The following NME4 variants were observed in gnomAD, a reference collection of about 807,000 sequenced individuals.
The protein encoded by NME4 is nucleoside diphosphate kinase D, mitochondrial.
Under a neutral mutation model 16.4 loss-of-function variants are expected in NME4, and 21 were observed. That is an observed-to-expected ratio of 1.28 (90% CI 0.91 to 1.84). The LOEUF (loss-of-function observed/expected upper bound fraction) is 1.84, where lower values mean the gene tolerates loss of function less well. NME4 is among the 40% of genes most tolerant of loss of function. The probability of loss-of-function intolerance (pLI) is 0.00; values close to 1 mark genes in which losing one functional copy is unlikely to be tolerated. For missense variants in NME4, 316 were observed against 261.3 expected (o/e 1.21, Z -1.44); for synonymous variants, 132 against 107.5 (o/e 1.23, Z -1.41).
chr16:400,102 T>A (rs1328756510), intron 4 of NME4, 117 bp from the exon 5 acceptor site: 1 of 1,436,686 alleles, frequency 7.0e-7, no homozygotes, highest in Non-Finnish European at 9.8e-7. Context: ...TCCTTCCCTG[T>A]CTGCAGTCAC....
chr16:400,661 A>G lies in NME4; in HGVS notation c.*319A>G, dbSNP rs2054643485. On this transcript the variant is annotated 3_prime_UTR_variant, in exon 5 of 5. Coordinates refer to ENST00000219479, the MANE Select transcript of NME4 (RefSeq NM_005009.3). Reference sequence around the variant, plus strand: ...ACTGTGCCCAGCACATGGGTGGTACACTAATTATGACTTCCCCCAGCTCTG... The same window carrying G: ...ACTGTGCCCAGCACATGGGTGGTACGCTAATTATGACTTCCCCCAGCTCTG... The G allele has an allele frequency of 6.6e-6, 2 of 300,910 alleles. No individual in the cohort carries two copies. The highest frequency in any genetic ancestry group is 9.9e-5 in the Admixed American group (2 of 20,292). The allele number at this position is 300,910 out of a possible 1,614,324, so 18.6% of individuals were successfully genotyped here.
At chr16:397,868 C>A in intron 1 of NME4, 3 of 1,554,454 alleles carry the variant, frequency 1.9e-6, no homozygotes, top group Non-Finnish European at 2.6e-6. Context: ...ACAGGACGAT[C>A]CATGTCCCAG....
rs1245232557 is a variant in NME4, at chr16:400,360, C to T, written c.*18C>T. 6.3e-7 allele frequency: 1 copy of T among 1,593,360 alleles called. No individual in the cohort carries two copies. The highest frequency in any genetic ancestry group is 1.3e-5 in the African/African-American group (1 of 74,090). ...CAGCCTGAGGCTCAAGCTGCCCTTA[C>T]CACCCCATCCCCCACGCAGGACCAA... On this transcript the variant is annotated 3_prime_UTR_variant, in exon 5 of 5. Transcript: ENST00000219479.
intron 1 of NME4, chr16:398,384 T>A: frequency 1.6e-6 from 2 of 1,251,170 alleles, no homozygotes; most frequent in Non-Finnish European, 2.1e-6. Context: ...AGGGCTCACC[T>A]GGTGGGGAAA....
rs144672399 is a variant in NME4, at chr16:397,910, G to A, written c.91+597G>A. ...CTCCATCGGCTCTGAAAAGTGAGCC[G>A]CCGCCTGCAATGCCCGCACCAGCCG... On this transcript the variant is annotated intron_variant, in intron 1 of 4. Coordinates refer to ENST00000219479, the MANE Select transcript of NME4 (RefSeq NM_005009.3). The A allele has an allele frequency of 4.1e-3, 6,318 of 1,551,256 alleles. 185 individuals are homozygous for A. The East Asian group carries it at 0.091, about 22-fold the overall frequency.
chr16:400,123 C>T (rs1406680273), intron 4 of NME4, 96 bp from the exon 5 acceptor site: 3 of 1,545,780 alleles, frequency 1.9e-6, no homozygotes, highest in Non-Finnish European at 2.7e-6. Context: ...AGGCTTGCTC[C>T]CCTAGACAGA....
intron 1 of NME4, chr16:398,103 G>T (rs1163390027): frequency 2.0e-6 from 3 of 1,534,396 alleles, no homozygotes; most frequent in Non-Finnish European, 2.6e-6. Flanking sequence ...GACATACAGG[G>T]TCTGGGCTCC....
At position 399,026 on chromosome 16, in the gene NME4, C is replaced by T. The variant is rs765320373; in HGVS notation, c.128C>T (p.Ala43Val). The T allele has an allele frequency of 2.8e-5, 45 of 1,609,382 alleles. No individual in the cohort carries two copies. The highest frequency in any genetic ancestry group is 2.2e-5 in the South Asian group (2 of 91,064). ...PSWTRERTLV[A>V]VKPDGVQRRL... ...TGGACCCGGGAGCGGACCCTGGTGG[C>T]GGTGAAGCCCGATGGCGTGCAACGG... The change falls in exon 2 of 5, where the codon GCG (alanine) becomes GTG (valine). Residue 43 changes from alanine (A) to valine (V), a missense_variant. Ala to Val is a moderately conservative substitution (Grantham distance 64). Transcript: ENST00000219479.
chr16:400,407 C>T lies in NME4; in HGVS notation c.*65C>T. On this transcript the variant is annotated 3_prime_UTR_variant, in exon 5 of 5. Transcript: ENST00000219479. ...CCAACTACCTCCGTCAGCAAGAACC[C>T]AAGCCCACATCCAAACCTGCCTGTC... The T allele has an allele frequency of 6.4e-7, 1 of 1,557,780 alleles. No individual in the cohort carries two copies.
chr16:399,250 C>A, intron 2 of NME4, 127 bp downstream of exon 2: 2 of 1,441,774 alleles, frequency 1.4e-6, no homozygotes, highest in Non-Finnish European at 2.0e-6. Context: ...CAGGAGGGAT[C>A]TATTCTGCGG....
intron 3 of NME4, 67 bp from the exon 4 acceptor site, chr16:399,560 G>A (rs539708643): frequency 2.5e-6 from 4 of 1,585,402 alleles, no homozygotes; most frequent in Non-Finnish European, 3.5e-6. Flanking sequence ...AAAGGGAGGG[G>A]CCCTGGATTG....
intron 2 of NME4, 49 bp downstream of exon 2, chr16:399,172 G>A: frequency 6.2e-7 from 1 of 1,601,938 alleles, no homozygotes; most frequent in Non-Finnish European, 8.5e-7. Flanking sequence ...TGGGGTTGGG[G>A]GATCCTTCTC....
chr16:397,192 C>G (rs542872229), upstream of NME4: 23 of 965,428 alleles, frequency 2.4e-5, no homozygotes, highest in Non-Finnish European at 2.7e-5. Context: ...GCCCGCTCCT[C>G]GCGCTCACAG....
intron 1 of NME4, 86 bp from the exon 2 acceptor site, chr16:398,904 G>T: frequency 6.4e-7 from 1 of 1,564,610 alleles, no homozygotes; most frequent in South Asian, 1.2e-5. Context: ...GAAGCCTGGT[G>T]ACCCCTGGGC....
chr16:399,115 A>C lies in NME4; in HGVS notation c.217A>C (p.Met73Leu). Residue 73 changes from methionine (M) to leucine (L), a missense_variant, in exon 2 of 5, where the codon ATG becomes CTG. Met to Leu is a conservative substitution (Grantham distance 15). Transcript: ENST00000219479. ...RRGFTLVGMK[M>L]LQAPESVLAE... ...GGGCTTCACGCTGGTGGGGATGAAG[A>C]TGCTGCAGGTAGTGGGACTCTGGGC... The C allele has an allele frequency of 6.3e-7, 1 of 1,594,948 alleles. No homozygotes were observed. Among genetic ancestry groups the C allele is most frequent in the African/African-American group, 1.3e-5 (1 of 74,894 alleles).
intron 2 of NME4, 82 bp from the exon 3 acceptor site, chr16:399,297 G>A (rs772113318): frequency 2.7e-6 from 4 of 1,455,978 alleles, no homozygotes; most frequent in Non-Finnish European, 3.9e-6. Context: ...TCTGCAAGGT[G>A]CCTGAGGTCA....
chr16:399,960 G>C, intron 4 of NME4: 1 of 650,332 alleles, frequency 1.5e-6, no homozygotes, highest in Non-Finnish European at 2.7e-6. Flanking sequence ...CCTGTTACCT[G>C]ACACCCCAAG....
intron 1 of NME4, chr16:397,838 G>T: frequency 1.3e-6 from 2 of 1,541,678 alleles, no homozygotes; most frequent in Admixed American, 3.9e-5. Flanking sequence ...CCGCTGCCCG[G>T]CCCCCCCAGC....
In NME4 at chr16:397,254, G is replaced by A. The variant is rs950768431; in HGVS notation, c.32G>A (p.Arg11Gln). MGGLFWRSALRGLRCGPRAPG... is the reference protein window; with the variant it reads MGGLFWRSALQGLRCGPRAPG... Reference sequence around the variant, plus strand: ...GGCCTCTTCTGGCGCTCCGCGCTGCGGGGGCTGCGCTGCGGCCCGCGGGCC... The same window carrying A: ...GGCCTCTTCTGGCGCTCCGCGCTGCAGGGGCTGCGCTGCGGCCCGCGGGCC... Residue 11 changes from arginine (R) to glutamine (Q), a missense_variant, in exon 1 of 5, where the codon CGG becomes CAG. By Grantham distance (43) the Arg-to-Gln change is conservative. Transcript: ENST00000219479. 2.9e-6 allele frequency: 3 copies of A among 1,046,730 alleles called. No homozygotes were observed. The highest frequency in any genetic ancestry group is 3.4e-6 in the Non-Finnish European group (3 of 871,990). 64.8% of individuals were successfully genotyped at this position (1,046,730 alleles called of 1,614,324 possible). A position where few individuals can be genotyped will look rare whatever the true frequency, so the allele number is the denominator to read the frequency against.
Sources: gnomAD v4.1 joint callset for allele counts on GRCh38, gnomAD v4.1.1 for gene constraint, MANE v1.5 for transcripts, NCBI Gene and HGNC (gene_info 2026-07-23, HGNC 2026-07-21) for gene names.